Variants in CFDP1 observed in about 807,000 individuals in gnomAD.
The protein encoded by CFDP1 is chromatin remodeling protein CFDP1.
CFDP1 carries 31 observed loss-of-function variants against 40.1 expected under a neutral mutation model. That is an observed-to-expected ratio of 0.77 (90% CI 0.58 to 1.04). The LOEUF is 1.04. Ranked by LOEUF, CFDP1 falls within the 50% of genes least tolerant of loss-of-function variation. The probability of loss-of-function intolerance (pLI) is 0.00; values close to 1 mark genes in which losing one functional copy is unlikely to be tolerated. For missense variants in CFDP1, 423 were observed against 343.4 expected, an observed-to-expected ratio of 1.23 and a Z score of -1.83; for synonymous variants, 167 against 120.0, an observed-to-expected ratio of 1.39 and a Z score of -2.56.
At chr16:75,327,462 ACAGAAGGTG>A (rs1469746595) in intron 5 of CFDP1, among the ~76,000 whole-genome samples, 2 of 138,812 alleles carry the variant, frequency 1.4e-5, no homozygotes, top group African/African-American at 6.8e-5. Flanking sequence ...GGGGAAGGGG[ACAGAAGGTG>A]AAGGATGGGA....
chr16:75,389,564 C>T (rs184123009), intron 5 of CFDP1, among the ~76,000 whole-genome samples: 3 of 152,302 alleles, frequency 2.0e-5, no homozygotes, highest in Non-Finnish European at 4.4e-5. Flanking sequence ...TTTTACTCTC[C>T]TGCTCTGGTT....
intron 4 of CFDP1, among the ~76,000 whole-genome samples, chr16:75,403,188 C>G (rs930922816): frequency 6.6e-6 from 1 of 152,122 alleles, no homozygotes; most frequent in Non-Finnish European, 1.5e-5. Flanking sequence ...ATAGTATTTA[C>G]TAACAAGTCC....
chr16:75,392,050 G>C (rs1205865186), intron 5 of CFDP1, among the ~76,000 whole-genome samples: 1 of 152,142 alleles, frequency 6.6e-6, no homozygotes, highest in African/African-American at 2.4e-5. Flanking sequence ...TAAATGTAAA[G>C]CCAAAAACAT....
At chr16:75,420,990 G>A (rs1038768979) in intron 1 of CFDP1, among the ~76,000 whole-genome samples, 3 of 152,170 alleles carry the variant, frequency 2.0e-5, no homozygotes, top group African/African-American at 7.2e-5. Context: ...AGATGCACAT[G>A]ACTCTGGATC....
At chr16:75,354,401 G>T (rs1567654881) in intron 5 of CFDP1, among the ~76,000 whole-genome samples, 1 of 152,102 alleles carries the variant, frequency 6.6e-6, no homozygotes, top group Non-Finnish European at 1.5e-5. Context: ...TCACAGAGCG[G>T]GATATGGCCA....
intron 1 of CFDP1, among the ~76,000 whole-genome samples, chr16:75,419,409 C>A (rs2079250749): frequency 6.6e-6 from 1 of 152,112 alleles, no homozygotes; most frequent in Non-Finnish European, 1.5e-5. Flanking sequence ...AAAATGTCAA[C>A]CAATAAATAC....
At chr16:75,397,205 C>CAT (rs1567671283) in intron 4 of CFDP1, among the ~76,000 whole-genome samples, 2 of 151,296 alleles carry the variant, frequency 1.3e-5, no homozygotes, top group Non-Finnish European at 1.5e-5. Context: ...TGAGCCACTG[C>CAT]GCCCAGCGTT....
At chr16:75,389,333 C>A (rs552360280) in intron 5 of CFDP1, among the ~76,000 whole-genome samples, 1 of 152,294 alleles carries the variant, frequency 6.6e-6, no homozygotes, top group South Asian at 2.1e-4. Context: ...TACTTTACTA[C>A]CAAATGTAGG....
intron 4 of CFDP1, among the ~76,000 whole-genome samples, chr16:75,405,342 C>T (rs1038411300): frequency 1.3e-5 from 2 of 152,032 alleles, no homozygotes; most frequent in Admixed American, 6.6e-5. Flanking sequence ...AAAATTTATA[C>T]AGGTGCCAGG....
intron 5 of CFDP1, among the ~76,000 whole-genome samples, chr16:75,350,330 C>A (rs1403799381): frequency 6.6e-6 from 1 of 152,174 alleles, no homozygotes; most frequent in African/African-American, 2.4e-5. Flanking sequence ...TATGTGGCTA[C>A]ACCATTCTAT....
rs1458785233 is a variant in CFDP1 at position 75,396,124 on chromosome 16, G to A, written c.531-915C>T. Among the ~76,000 whole-genome samples the A allele has an allele frequency of 2.9e-5, 3 of 103,684 alleles. 1 individual carries two copies. Among genetic ancestry groups the A allele is most frequent in the African/African-American group, 8.6e-5 (3 of 34,756 alleles). The allele number at this position is 103,684 out of a possible 152,430, so 68.0% of individuals were successfully genotyped here. ...GCCCTCACACTGCACCCCACATGCA[G>A]ATTAGCACTCAGCCTTGAAAGCTGA... On this transcript the variant is annotated intron_variant, in intron 4 of 6. Transcript: ENST00000283882.
chr16:75,294,623 T>G (rs772064353), intron 6 of CFDP1, among the ~76,000 whole-genome samples: 2 of 152,186 alleles, frequency 1.3e-5, no homozygotes, highest in Non-Finnish European at 2.9e-5. Flanking sequence ...TAGAAGTGAT[T>G]TAACTGCTTT....
At chr16:75,350,071 A>C (rs1243914318) in intron 5 of CFDP1, among the ~76,000 whole-genome samples, 1 of 152,070 alleles carries the variant, frequency 6.6e-6, no homozygotes, top group African/African-American at 2.4e-5. Flanking sequence ...TTAGTTTGCT[A>C]AGTGTACTCT....
Position 75,433,354 on chromosome 16 carries a change from T to C in CFDP1, c.-2A>G. ...GTCTTCGGAGTCGAATTCCTCCATG[T>C]TGCTGCCGCTCGACGCTGGTCAAAC... On this transcript the variant is annotated 5_prime_UTR_variant, in exon 1 of 7. Coordinates refer to ENST00000283882, the MANE Select transcript of CFDP1 (RefSeq NM_006324.3). The C allele has an allele frequency of 6.3e-7, 1 of 1,588,894 alleles. No individual in the cohort carries two copies. Among genetic ancestry groups the C allele is most frequent in the South Asian group, 1.1e-5 (1 of 88,080 alleles).
chr16:75,416,000 G>A (rs756569195), intron 1 of CFDP1, among the ~76,000 whole-genome samples: 10 of 152,194 alleles, frequency 6.6e-5, no homozygotes, highest in Middle Eastern at 3.4e-3. Flanking sequence ...TTACAGAAGT[G>A]TGCCACCACA....
chr16:75,346,455 T>C (rs1269299357), intron 5 of CFDP1, among the ~76,000 whole-genome samples: 1 of 151,152 alleles, frequency 6.6e-6, no homozygotes, highest in Non-Finnish European at 1.5e-5. Context: ...TGGTGGTGGG[T>C]GCTTGTAGTC....
At chr16:75,391,975 T>TAAAA (rs1270925089) in intron 5 of CFDP1, among the ~76,000 whole-genome samples, 1 of 148,044 alleles carries the variant, frequency 6.8e-6, no homozygotes, top group African/African-American at 2.6e-5. Flanking sequence ...CTCAAAAAAA[T>TAAAA]AAAAAATAAA....
intron 2 of CFDP1, among the ~76,000 whole-genome samples, chr16:75,413,645 G>A (rs1176476799): frequency 6.6e-6 from 1 of 151,080 alleles, no homozygotes; most frequent in African/African-American, 2.4e-5. Context: ...TTTGACTTTA[G>A]GTGAATCAAT....
intron 5 of CFDP1, among the ~76,000 whole-genome samples, chr16:75,336,340 C>G (rs1033449161): frequency 2.0e-5 from 3 of 152,134 alleles, no homozygotes; most frequent in Admixed American, 6.6e-5. Flanking sequence ...TGGGCTGCAG[C>G]TAGAGTGCCT....
Sources: allele counts gnomAD v4.1 joint callset (sites outside exome capture counted in the v4.1 genomes callset), GRCh38; gene constraint gnomAD v4.1.1; transcripts MANE v1.5; gene names NCBI Gene and HGNC (gene_info 2026-07-23, HGNC 2026-07-21).